The following WDR93 variants were observed in gnomAD, a reference collection of about 807,000 sequenced individuals.
The protein encoded by WDR93 is WD repeat-containing protein 93.
WDR93 carries 73 observed loss-of-function variants against 82.9 expected under a neutral mutation model. The observed-to-expected ratio is 0.88, with a 90% CI of 0.73 to 1.07. The LOEUF (loss-of-function observed/expected upper bound fraction) is 1.07. WDR93 is among the 50% of genes least tolerant of loss of function. The pLI, the probability that WDR93 is intolerant of heterozygous loss-of-function variation, is 0.00. For missense variants in WDR93, 738 were observed against 826.0 expected, an observed-to-expected ratio of 0.89 and a Z score of 1.31; for synonymous variants, 283 against 300.1, an observed-to-expected ratio of 0.94 and a Z score of 0.59.
At chr15:89,724,155 A>G (rs11631289) in intron 8 of WDR93, among the ~76,000 whole-genome samples, 64,798 of 151,606 alleles carry the variant, frequency 0.43, 14,406 homozygotes, top group African/African-American at 0.49. Context: ...CCTGGGCAAC[A>G]TGGAGAAACC....
intron 3 of WDR93, chr15:89,705,300 C>CA: frequency 2.0e-6 from 1 of 490,802 alleles, no homozygotes; most frequent in South Asian, 2.2e-5. Context: ...CCATGTCTTA[C>CA]AGGAGACGTC....
Position 89,743,475 on chromosome 15 carries a change from T to C in WDR93, c.*84T>C, listed in dbSNP as rs983464464. 6.0e-6 allele frequency: 8 copies of C among 1,328,736 alleles called. No individual in the cohort carries two copies. The highest frequency in any genetic ancestry group is 4.7e-5 in the East Asian group (2 of 42,466). The allele number at this position is 1,328,736 out of a possible 1,614,324, so 82.3% of individuals were successfully genotyped here. A position where few individuals can be genotyped will look rare whatever the true frequency, so the allele number is the denominator to read the frequency against. On this transcript the variant is annotated 3_prime_UTR_variant, in exon 17 of 17. Coordinates refer to ENST00000268130, the MANE Select transcript of WDR93 (RefSeq NM_020212.2). ...CAGGACACTGAGGCCAAGAGAAATG[T>C]AACAGAGCCACAGCTCCACAGGCCT...
intron 1 of WDR93, among the ~76,000 whole-genome samples, chr15:89,691,289 A>G (rs1324311655): frequency 6.6e-6 from 1 of 152,232 alleles, no homozygotes; most frequent in East Asian, 1.9e-4. Flanking sequence ...ATCCTAAAAG[A>G]GTCATTATGA....
intron 1 of WDR93, among the ~76,000 whole-genome samples, chr15:89,694,248 C>CTTTTTTTTTTTT (rs907842374): frequency 8.0e-6 from 1 of 125,156 alleles, no homozygotes; most frequent in Non-Finnish European, 1.7e-5. Context: ...TGGGTTATTT[C>CTTTTTTTTTTTT]TTTTTTTTTT....
intron 16 of WDR93, among the ~76,000 whole-genome samples, chr15:89,742,322 G>T (rs942949962): frequency 7.9e-5 from 12 of 152,146 alleles, no homozygotes; most frequent in African/African-American, 2.2e-4. Flanking sequence ...TATGGTCATT[G>T]TCTTTCTCCC....
chr15:89,700,358 GAT>G (rs1965393841), intron 1 of WDR93, among the ~76,000 whole-genome samples: 1 of 152,072 alleles, frequency 6.6e-6, no homozygotes, highest in East Asian at 1.9e-4. Context: ...AAGCATCACA[GAT>G]GTACTCCAGC....
chr15:89,716,871 T>G (rs1431083072), intron 6 of WDR93, 40 bp from the exon 7 acceptor site: 2 of 1,429,272 alleles, frequency 1.4e-6, no homozygotes, highest in Middle Eastern at 3.5e-4. Context: ...TAAACATACA[T>G]CAAACCTATT....
chr15:89,690,603 C>G, upstream of WDR93: 1 of 1,551,426 alleles, frequency 6.4e-7, no homozygotes, highest in Non-Finnish European at 8.7e-7. Context: ...GGCCCTGGGT[C>G]TGGTTGGTGA....
At chr15:89,711,826 A>G (rs561134869) in intron 4 of WDR93, among the ~76,000 whole-genome samples, 200 bp from the exon 5 acceptor site, 47 of 152,340 alleles carry the variant, frequency 3.1e-4, no homozygotes, top group African/African-American at 1.1e-3. Context: ...CCTTACATAG[A>G]AAAGCGAGTT....
At chr15:89,729,540 C>T in intron 10 of WDR93, 143 bp from the exon 11 acceptor site, 1 of 655,414 alleles carries the variant, frequency 1.5e-6, no homozygotes, top group East Asian at 2.7e-5. Flanking sequence ...TCACCCTTCT[C>T]TTGGGTGCTG....
chr15:89,715,480 G>C (rs1261801484), intron 6 of WDR93, among the ~76,000 whole-genome samples: 1 of 152,050 alleles, frequency 6.6e-6, no homozygotes, highest in Non-Finnish European at 1.5e-5. Context: ...TAAAGAGGTT[G>C]TTCTCAATAT....
At chr15:89,706,290 G>C (rs909988439) in intron 4 of WDR93, among the ~76,000 whole-genome samples, 1 of 151,462 alleles carries the variant, frequency 6.6e-6, no homozygotes, top group East Asian at 1.9e-4. Flanking sequence ...ATGAATTCCC[G>C]AAAGAGAGGG....
intron 8 of WDR93, among the ~76,000 whole-genome samples, chr15:89,725,788 C>T (rs951672471): frequency 3.3e-5 from 5 of 151,994 alleles, no homozygotes; most frequent in Admixed American, 6.6e-5. Flanking sequence ...TCTCAAACTC[C>T]GGGGCTCAAG....
Position 89,738,073 on chromosome 15 carries a change from G to A in WDR93, c.1798G>A (p.Asp600Asn), listed in dbSNP as rs745726381. The part of the protein sequence containing the change: ...DYSHETASTD[D>N]AGIQYSVFYF... ...TTCACATGAAACTGCGTCCACCGAC[G>A]ATGCTGGAATCCAATATTCTGTTTT... The change falls in exon 16 of 17, where the codon GAT becomes AAT. Residue 600 changes from aspartate to asparagine, a missense_variant. Asp to Asn is a conservative substitution (Grantham distance 23). Coordinates refer to ENST00000268130, the MANE Select transcript of WDR93 (RefSeq NM_020212.2). 46 of 1,613,328 alleles carry A rather than the reference G, an allele frequency of 2.9e-5. No individual in the cohort carries two copies. In the East Asian group the frequency reaches 3.3e-4, roughly 12 times the overall value.
chr15:89,698,600 G>T (rs1197036309), intron 1 of WDR93, among the ~76,000 whole-genome samples: 2 of 151,948 alleles, frequency 1.3e-5, no homozygotes, highest in South Asian at 2.1e-4. Flanking sequence ...TTCTTTAGTG[G>T]TTAATTTAGG....
At chr15:89,731,320 C>A (rs896757737) in intron 11 of WDR93, 123 bp from the exon 12 acceptor site, 1 of 1,434,766 alleles carries the variant, frequency 7.0e-7, no homozygotes, top group Admixed American at 1.9e-5. Flanking sequence ...TGAGTCCAGA[C>A]AGGTGCTCCT....
intron 1 of WDR93, among the ~76,000 whole-genome samples, chr15:89,700,186 GA>G (rs1189303371): frequency 6.6e-6 from 1 of 152,142 alleles, no homozygotes; most frequent in African/African-American, 2.4e-5. Flanking sequence ...AGATTTTTCA[GA>G]CTACTCTACA....
chr15:89,702,129 A>T, intron 2 of WDR93, 80 bp downstream of exon 2: 1 of 1,438,752 alleles, frequency 7.0e-7, no homozygotes, highest in Non-Finnish European at 9.3e-7. Context: ...CCAGGAAGGA[A>T]TTCCTACTAG....
In WDR93 at chr15:89,738,196, C is replaced by G; in HGVS notation, c.1921C>G (p.Leu641Val). 6.2e-7 allele frequency: 1 copy of G among 1,613,796 alleles called. No individual in the cohort carries two copies. Among genetic ancestry groups the G allele is most frequent in the Non-Finnish European group, 8.5e-7 (1 of 1,179,870 alleles). ...DLDNMAFPQA[L>V]PLEKRCERFL... ...GGATAACATGGCCTTCCCCCAAGCA[C>G]TGCCACTGGAGAAGAGATGTGAGCG... Residue 641 changes from leucine to valine, a missense_variant, in exon 16 of 17, where the codon CTG (leucine) becomes GTG (valine). By Grantham distance (32) the Leu-to-Val change is conservative. Transcript: ENST00000268130.
Sources: gnomAD v4.1 joint callset for allele counts (sites outside exome capture counted in the v4.1 genomes callset) on GRCh38, gnomAD v4.1.1 for gene constraint, MANE v1.5 for transcripts, NCBI Gene and HGNC (gene_info 2026-07-23, HGNC 2026-07-21) for gene names.